Variants in CDK14 observed in about 807,000 individuals in gnomAD.
The protein encoded by CDK14 is cyclin-dependent kinase 14.
CDK14 carries 34 observed loss-of-function variants against 60.7 expected under a neutral mutation model. The ratio of observed to expected loss-of-function variants is 0.56; its 90% CI spans 0.43 to 0.75. The LOEUF (loss-of-function observed/expected upper bound fraction) is 0.75, where lower values mean the gene tolerates loss of function less well. CDK14 is among the 30% of genes least tolerant of loss of function. The pLI is 0.00. For synonymous variants in CDK14, 197 were observed against 203.7 expected, an observed-to-expected ratio of 0.97 and a Z score of 0.28; for missense variants, 482 against 564.1, an observed-to-expected ratio of 0.85 and a Z score of 1.47.
chr7:90,598,704 A>ATTTTTTT (rs796093975), intron 1 of CDK14, among the ~76,000 whole-genome samples: 8,595 of 87,332 alleles, frequency 0.098, 1,565 homozygotes, highest in Middle Eastern at 0.19. Flanking sequence ...TTATCTAAGG[A>ATTTTTTT]TTTTTTTTTT....
At chr7:90,779,130 G>A (rs1805192247) in intron 4 of CDK14, among the ~76,000 whole-genome samples, 1 of 152,020 alleles carries the variant, frequency 6.6e-6, no homozygotes, top group South Asian at 2.1e-4. Context: ...GTGCATACCT[G>A]TAATCTCAGT....
chr7:90,675,307 T>C (rs1801177682), intron 2 of CDK14, among the ~76,000 whole-genome samples: 1 of 152,200 alleles, frequency 6.6e-6, no homozygotes, highest in Non-Finnish European at 1.5e-5. Flanking sequence ...CACTTTCTTA[T>C]AACTGGTATA....
At chr7:91,183,774 C>T (rs923979006) in intron 14 of CDK14, among the ~76,000 whole-genome samples, 3 of 152,236 alleles carry the variant, frequency 2.0e-5, no homozygotes, top group African/African-American at 7.2e-5. Context: ...CTAAAATCTA[C>T]CCCCAAAGTC....
intron 4 of CDK14, among the ~76,000 whole-genome samples, chr7:90,782,360 A>G (rs1456096242): frequency 6.6e-6 from 1 of 152,150 alleles, no homozygotes; most frequent in Non-Finnish European, 1.5e-5. Flanking sequence ...TGTCATCTGC[A>G]AACAGGGACA....
chr7:90,875,376 G>T (rs1791522068), intron 6 of CDK14, among the ~76,000 whole-genome samples: 1 of 152,180 alleles, frequency 6.6e-6, no homozygotes, highest in East Asian at 1.9e-4. Flanking sequence ...ATATCTAGGA[G>T]TGGTATTGCT....
intron 10 of CDK14, 59 bp downstream of exon 10, chr7:90,984,300 CA>C: frequency 9.9e-7 from 1 of 1,012,606 alleles, no homozygotes; most frequent in Non-Finnish European, 1.6e-6. Context: ...CACTTAGTGA[CA>C]AATTCTACAG....
chr7:90,907,511 A>C (rs1270652938), intron 7 of CDK14, among the ~76,000 whole-genome samples: 1 of 152,088 alleles, frequency 6.6e-6, no homozygotes, highest in African/African-American at 2.4e-5. Context: ...TTTGAATCTT[A>C]TTACCATGAT....
intron 11 of CDK14, among the ~76,000 whole-genome samples, chr7:91,053,079 C>A (rs1285080620): frequency 1.3e-5 from 2 of 152,022 alleles, no homozygotes; most frequent in Non-Finnish European, 2.9e-5. Context: ...CAGGTCCACA[C>A]TTTTTTGTTC....
chr7:91,070,368 G>GA (rs1221916715), intron 11 of CDK14, among the ~76,000 whole-genome samples: 3 of 152,134 alleles, frequency 2.0e-5, no homozygotes, highest in Non-Finnish European at 4.4e-5. Flanking sequence ...CGTGAAGAAA[G>GA]AGACTTGTTC....
At chr7:91,005,026 C>T (rs1795941381) in intron 10 of CDK14, among the ~76,000 whole-genome samples, 1 of 152,164 alleles carries the variant, frequency 6.6e-6, no homozygotes, top group African/African-American at 2.4e-5. Flanking sequence ...TGGTGTGGTC[C>T]ACTGGGTGAT....
chr7:91,050,806 G>T (rs1321385990), intron 11 of CDK14, among the ~76,000 whole-genome samples: 1 of 152,194 alleles, frequency 6.6e-6, no homozygotes, highest in Non-Finnish European at 1.5e-5. Context: ...ATCAGGAGAA[G>T]GTGAAGGGGG....
chr7:90,666,687 G>A (rs973240727), intron 2 of CDK14, among the ~76,000 whole-genome samples: 2 of 152,154 alleles, frequency 1.3e-5, no homozygotes, highest in African/African-American at 2.4e-5. Flanking sequence ...AAGAAGAGGC[G>A]GTATCTTAGG....
intron 10 of CDK14, among the ~76,000 whole-genome samples, chr7:90,996,163 A>G (rs1389786855): frequency 2.0e-5 from 3 of 152,198 alleles, no homozygotes; most frequent in Non-Finnish European, 4.4e-5. Context: ...TATTATTAGA[A>G]TTGCATACAC....
At chr7:90,879,768 C>T (rs1015163781) in intron 6 of CDK14, among the ~76,000 whole-genome samples, 3 of 150,996 alleles carry the variant, frequency 2.0e-5, no homozygotes, top group South Asian at 2.1e-4. Context: ...AAATAAAAGT[C>T]GCTGCTATTG....
chr7:90,771,138 T>G (rs1292712040), intron 4 of CDK14, among the ~76,000 whole-genome samples: 2 of 152,244 alleles, frequency 1.3e-5, no homozygotes, highest in African/African-American at 4.8e-5. Context: ...TCACTTGTTC[T>G]TTGTATCCTG....
intron 6 of CDK14, among the ~76,000 whole-genome samples, chr7:90,890,489 G>A (rs530703333): frequency 1.7e-4 from 26 of 152,252 alleles, no homozygotes; most frequent in South Asian, 2.1e-4. Context: ...CTGTGATTTC[G>A]TTTTAAAGGA....
chr7:91,057,065 C>T (rs1181698146), intron 11 of CDK14, among the ~76,000 whole-genome samples: 1 of 152,148 alleles, frequency 6.6e-6, no homozygotes, highest in Non-Finnish European at 1.5e-5. Context: ...TCCTCTCCAG[C>T]ACCTGTTGTT....
At chr7:90,945,161 C>T (rs1339308532) in intron 8 of CDK14, among the ~76,000 whole-genome samples, 1 of 152,106 alleles carries the variant, frequency 6.6e-6, no homozygotes, top group East Asian at 1.9e-4. Flanking sequence ...GGGTAAAGCC[C>T]AGAGGATCTA....
intron 11 of CDK14, among the ~76,000 whole-genome samples, chr7:91,079,153 A>G (rs1480247985): frequency 1.3e-5 from 2 of 152,210 alleles, no homozygotes; most frequent in Non-Finnish European, 2.9e-5. Flanking sequence ...TCTTTTTTCA[A>G]CTCAATTAAA....
Sources: allele counts gnomAD v4.1 joint callset (sites outside exome capture counted in the v4.1 genomes callset), GRCh38; gene constraint gnomAD v4.1.1; transcripts MANE v1.5; gene names NCBI Gene and HGNC (gene_info 2026-07-23, HGNC 2026-07-21).